CLSTN1: variants seen among roughly 807,000 people sequenced by gnomAD.
CLSTN1 encodes calsyntenin 1, also known as calsyntenin-1.
Under a neutral mutation model 108.3 loss-of-function variants are expected in CLSTN1, and 28 were observed. The observed-to-expected ratio is 0.26, with a 90% CI of 0.19 to 0.35. The LOEUF is 0.35. Among genes scored for constraint, CLSTN1 ranks in the 10% least tolerant of loss-of-function variants. The pLI, the probability that CLSTN1 is intolerant of heterozygous loss-of-function variation, is 1.00. For synonymous variants in CLSTN1, 524 were observed against 534.9 expected (o/e 0.98, Z 0.28); for missense variants, 1,157 against 1,302.6 (o/e 0.89, Z 1.72).
chr1:9,822,690 GT>G (rs1655234786), intron 1 of CLSTN1, among the ~76,000 whole-genome samples: 1 of 152,162 alleles, frequency 6.6e-6, no homozygotes, highest in Admixed American at 6.6e-5. Context: ...TAAGCTTTTC[GT>G]TGGCAAGACC....
chr1:9,792,581 C>T (rs1653816715), intron 1 of CLSTN1, among the ~76,000 whole-genome samples: 1 of 151,398 alleles, frequency 6.6e-6, no homozygotes, highest in Non-Finnish European at 1.5e-5. Context: ...TATTAATTAC[C>T]AGGGACACAG....
intron 1 of CLSTN1, among the ~76,000 whole-genome samples, chr1:9,783,140 C>A (rs1156977538): frequency 6.6e-6 from 1 of 152,252 alleles, no homozygotes; most frequent in African/African-American, 2.4e-5. Flanking sequence ...CAACCCAGTA[C>A]ACGAACAGTT....
chr1:9,741,139 G>A lies in CLSTN1; in HGVS notation c.1474C>T (p.Pro492Ser). The A allele has an allele frequency of 1.2e-6, 2 of 1,614,170 alleles. No individual in the cohort carries two copies. Among genetic ancestry groups the A allele is most frequent in the Non-Finnish European group, 8.5e-7 (1 of 1,180,020 alleles). ...FSVTEDYPLH[P>S]SKIETQLVVG... ...ACGAGCTGAGTTTCTATCTTGGATG[G>A]ATGGAGCGGGTAATCCTCAGTCACA... Residue 492 changes from proline (P) to serine (S), a missense_variant, in exon 10 of 19, where the codon CCA (proline) becomes TCA (serine). Pro to Ser is a moderately conservative substitution (Grantham distance 74). Coordinates refer to ENST00000377298, the MANE Select transcript of CLSTN1 (RefSeq NM_001009566.3).
intron 5 of CLSTN1, 47 bp downstream of exon 5, chr1:9,751,426 A>T (rs746814970): frequency 1.3e-5 from 21 of 1,585,754 alleles, no homozygotes; most frequent in Non-Finnish European, 1.7e-5. Context: ...CAGTGGGGTT[A>T]GCAGGGACTG....
intron 1 of CLSTN1, among the ~76,000 whole-genome samples, chr1:9,795,167 C>CTTT (rs147619742): frequency 7.0e-6 from 1 of 142,996 alleles, no homozygotes; most frequent in Non-Finnish European, 1.5e-5. Context: ...CAAATATTAA[C>CTTT]TTTTTTTTTT....
At chr1:9,748,767 G>GCT (rs1276795590) in intron 7 of CLSTN1, among the ~76,000 whole-genome samples, 4 of 152,140 alleles carry the variant, frequency 2.6e-5, no homozygotes, top group African/African-American at 9.6e-5. Context: ...AAGATTATAG[G>GCT]CATGAGCCCC....
intron 1 of CLSTN1, among the ~76,000 whole-genome samples, chr1:9,783,755 G>C (rs1232009221): frequency 6.6e-6 from 1 of 152,144 alleles, no homozygotes; most frequent in African/African-American, 2.4e-5. Flanking sequence ...CACTTTGGGA[G>C]GCCAAGGTGA....
At position 9,734,183 on chromosome 1, in the gene CLSTN1, T is replaced by C. The variant is rs1162601097; in HGVS notation, c.2111-41A>G. The C allele has an allele frequency of 1.2e-6, 2 of 1,605,568 alleles. No individual in the cohort carries two copies. The highest frequency in any genetic ancestry group is 2.7e-5 in the African/African-American group (2 of 74,806). ...AACCAGAAATATTAAGTAGGGGCAG[T>C]GGGGCCCAGCGTGGCGGGGCACACT... On this transcript the variant is annotated intron_variant, in intron 14 of 18. Coordinates refer to ENST00000377298, the MANE Select transcript of CLSTN1 (RefSeq NM_001009566.3). The surrounding 1 kb of genome is among the most constrained non-coding windows in gnomAD (Gnocchi z 4.8).
rs572439623 is a variant in CLSTN1, at chr1:9,764,448, G to A, written c.215-7938C>T. ...GGTCTGGGGTTCAAGGCCAGCCTGG[G>A]TAACATGGTGAAACCCTGTCTCTAC... On this transcript the variant is annotated intron_variant, in intron 2 of 18. Transcript: ENST00000377298. Among the ~76,000 whole-genome samples, 3 of 152,036 alleles carry A rather than the reference G, an allele frequency of 2.0e-5. No homozygotes were observed. In the East Asian group the frequency reaches 5.8e-4, roughly 29 times the overall value.
At chr1:9,766,938 T>A (rs568639102) in intron 2 of CLSTN1, among the ~76,000 whole-genome samples, 52 of 152,356 alleles carry the variant, frequency 3.4e-4, no homozygotes, top group African/African-American at 1.2e-3. Flanking sequence ...TTCAGAGCTC[T>A]AACAAGTGAA....
At chr1:9,780,662 T>A (rs1653197438) in intron 1 of CLSTN1, among the ~76,000 whole-genome samples, 1 of 152,204 alleles carries the variant, frequency 6.6e-6, no homozygotes, top group Admixed American at 6.5e-5. Context: ...CATAAAACAT[T>A]TACAGAAACA....
At chr1:9,800,564 A>G (rs1203263706) in intron 1 of CLSTN1, among the ~76,000 whole-genome samples, 2 of 148,368 alleles carry the variant, frequency 1.3e-5, no homozygotes, top group African/African-American at 5.0e-5. Flanking sequence ...CTAGAAAAAA[A>G]AAAAAAAAAA....
intron 1 of CLSTN1, among the ~76,000 whole-genome samples, chr1:9,804,158 C>T (rs1334082291): frequency 6.6e-6 from 1 of 151,556 alleles, no homozygotes; most frequent in Middle Eastern, 3.2e-3. Flanking sequence ...GTCAAGAGAT[C>T]GAGGCCAGCC....
chr1:9,770,971 C>T (rs751920346), intron 2 of CLSTN1, among the ~76,000 whole-genome samples: 20 of 151,670 alleles, frequency 1.3e-4, no homozygotes, highest in Non-Finnish European at 2.2e-4. Context: ...CCAGCCTGGG[C>T]GACAAACTGA....
chr1:9,785,183 T>C (rs1653428789), intron 1 of CLSTN1, among the ~76,000 whole-genome samples: 1 of 152,058 alleles, frequency 6.6e-6, no homozygotes, highest in African/African-American at 2.4e-5. Flanking sequence ...AATTTTTGTA[T>C]TTTTAGCGGA....
intron 1 of CLSTN1, among the ~76,000 whole-genome samples, chr1:9,816,833 G>A (rs566838990): frequency 1.3e-5 from 2 of 152,314 alleles, no homozygotes; most frequent in African/African-American, 4.8e-5. Flanking sequence ...TTTTAGTAGA[G>A]ATGGGGTTTC....
chr1:9,796,196 A>T (rs1482633496), intron 1 of CLSTN1, among the ~76,000 whole-genome samples: 1 of 148,044 alleles, frequency 6.8e-6, no homozygotes, highest in Non-Finnish European at 1.5e-5. Flanking sequence ...TAGGAGGCAG[A>T]GGTTGCAGTG....
chr1:9,811,207 G>A (rs987889759), intron 1 of CLSTN1, among the ~76,000 whole-genome samples: 1 of 152,158 alleles, frequency 6.6e-6, no homozygotes, highest in Non-Finnish European at 1.5e-5. Context: ...GAGGGGAAAG[G>A]CTATGTTATG....
At chr1:9,747,771 C>A (rs759031842) in intron 7 of CLSTN1, among the ~76,000 whole-genome samples, 1 of 152,130 alleles carries the variant, frequency 6.6e-6, no homozygotes, top group African/African-American at 2.4e-5. Flanking sequence ...AGTGGCCGGG[C>A]GCGGTGGCTC....
Sources: gnomAD v4.1 joint callset for allele counts (sites outside exome capture counted in the v4.1 genomes callset) on GRCh38, gnomAD v4.1.1 for gene constraint, Gnocchi (gnomAD v3.1) non-coding constraint, MANE v1.5 for transcripts, NCBI Gene and HGNC (gene_info 2026-07-23, HGNC 2026-07-21) for gene names.